RBFOX1: variants seen among roughly 807,000 people sequenced by gnomAD.
The protein encoded by RBFOX1 is RNA binding protein fox-1 homolog 1.
In RBFOX1, 8 loss-of-function variants were observed where a neutral mutation model predicts 57.7. That is an observed-to-expected ratio of 0.14 (90% CI 0.08 to 0.25). RBFOX1 has a LOEUF of 0.25. Among genes scored for constraint, RBFOX1 ranks in the 10% least tolerant of loss-of-function variants. The pLI is 1.00. For missense variants in RBFOX1, 611 were observed against 548.5 expected (o/e 1.11, Z -1.14); for synonymous variants, 326 against 222.4 (o/e 1.47, Z -4.15).
chr16:6,913,244 T>C (rs893280073), intron 3 of RBFOX1, among the ~76,000 whole-genome samples: 9 of 152,168 alleles, frequency 5.9e-5, no homozygotes, highest in African/African-American at 2.2e-4. Flanking sequence ...TGTCCACCTA[T>C]TTAACTGTTA....
intron 14 of RBFOX1, among the ~76,000 whole-genome samples, chr16:7,690,656 G>C (rs866210444): frequency 7.7e-5 from 9 of 117,362 alleles, no homozygotes; most frequent in African/African-American, 2.9e-4. Context: ...GAATATACCT[G>C]CATTGTTCTG....
At chr16:7,535,072 G>A (rs2081157462) in intron 5 of RBFOX1, among the ~76,000 whole-genome samples, 1 of 152,078 alleles carries the variant, frequency 6.6e-6, no homozygotes, top group Non-Finnish European at 1.5e-5. Flanking sequence ...AACATTGAAG[G>A]GAAATTGTAC....
rs536842697 is a variant in RBFOX1, at chr16:5,855,042, C to G, written c.319-12261C>G. Among the ~76,000 whole-genome samples, 9 of 152,240 alleles carry G rather than the reference C, an allele frequency of 5.9e-5. No homozygotes were observed. In the East Asian group the frequency reaches 1.5e-3, roughly 26 times the overall value. Reference sequence around the variant, plus strand: ...CATCTTCTTTGGAAAAATGTCTGTTCAAATCCTTTGTTCGTTTTGTAATTG... The same window carrying G: ...CATCTTCTTTGGAAAAATGTCTGTTGAAATCCTTTGTTCGTTTTGTAATTG... On this transcript the variant is annotated intron_variant, in intron 3 of 19. Transcript: ENST00000641259.
intron 3 of RBFOX1, among the ~76,000 whole-genome samples, chr16:5,723,649 G>C (rs1020063110): frequency 1.3e-5 from 2 of 151,994 alleles, no homozygotes; most frequent in African/African-American, 4.8e-5. Context: ...TGAGACCTTT[G>C]GTCTAAGGTC....
At chr16:5,568,447 C>T (rs2046150361) in intron 2 of RBFOX1, among the ~76,000 whole-genome samples, 1 of 152,170 alleles carries the variant, frequency 6.6e-6, no homozygotes, top group Non-Finnish European at 1.5e-5. Context: ...TCTCTTTCCC[C>T]CTTTCCTGTA....
intron 3 of RBFOX1, among the ~76,000 whole-genome samples, chr16:5,857,605 T>C (rs2057104375): frequency 6.6e-6 from 1 of 152,168 alleles, no homozygotes; most frequent in Non-Finnish European, 1.5e-5. Flanking sequence ...CCCAGTACAC[T>C]GAGTGAATCC....
chr16:7,073,948 A>T (rs1247050242), intron 4 of RBFOX1, among the ~76,000 whole-genome samples: 1 of 152,210 alleles, frequency 6.6e-6, no homozygotes, highest in Admixed American at 6.5e-5. Flanking sequence ...GCCACAGTTT[A>T]TGAGACAGCT....
chr16:6,888,671 C>G (rs907531238), intron 3 of RBFOX1, among the ~76,000 whole-genome samples: 1 of 152,142 alleles, frequency 6.6e-6, no homozygotes, highest in Non-Finnish European at 1.5e-5. Flanking sequence ...ACCCAGATGT[C>G]TCCTGTATTC....
At chr16:5,525,552 C>T (rs2151021807) in intron 2 of RBFOX1, among the ~76,000 whole-genome samples, 1 of 133,922 alleles carries the variant, frequency 7.5e-6, no homozygotes, top group South Asian at 2.5e-4. Flanking sequence ...GGCTGGAGTG[C>T]AGTGGCGTGA....
intron 3 of RBFOX1, among the ~76,000 whole-genome samples, chr16:6,892,771 T>TCTCC (rs879408489): frequency 7.8e-4 from 46 of 58,906 alleles, no homozygotes; most frequent in Admixed American, 1.9e-3. Flanking sequence ...AGCCTCCCTG[T>TCTCC]CTCCCTCTCT....
At chr16:6,829,653 G>T (rs1395904326) in intron 3 of RBFOX1, among the ~76,000 whole-genome samples, 2 of 152,022 alleles carry the variant, frequency 1.3e-5, no homozygotes, top group Non-Finnish European at 2.9e-5. Flanking sequence ...CCATACGGCA[G>T]TGCAGGGGCG....
intron 4 of RBFOX1, among the ~76,000 whole-genome samples, chr16:7,271,497 C>G (rs906039460): frequency 1.3e-5 from 2 of 151,768 alleles, no homozygotes; most frequent in African/African-American, 2.4e-5. Context: ...CTTGGTTGAT[C>G]TTGTATTAAA....
chr16:6,283,865 C>G (rs1331647840), intron 1 of RBFOX1, among the ~76,000 whole-genome samples: 1 of 152,166 alleles, frequency 6.6e-6, no homozygotes, highest in Non-Finnish European at 1.5e-5. Flanking sequence ...AATTTATTTT[C>G]TACTCCTGGC....
At chr16:7,072,126 C>T (rs931828150) in intron 4 of RBFOX1, among the ~76,000 whole-genome samples, 1 of 152,128 alleles carries the variant, frequency 6.6e-6, no homozygotes, top group Non-Finnish European at 1.5e-5. Flanking sequence ...CTTGAGCTGC[C>T]TGGAACAATA....
intron 3 of RBFOX1, among the ~76,000 whole-genome samples, chr16:6,958,948 C>G (rs955056656): frequency 2.4e-4 from 36 of 151,902 alleles, no homozygotes; most frequent in Middle Eastern, 6.8e-3. Context: ...CAGCATGGTT[C>G]TATGTAAAGT....
intron 4 of RBFOX1, among the ~76,000 whole-genome samples, chr16:7,086,995 A>G (rs2060093018): frequency 1.3e-5 from 2 of 152,086 alleles, no homozygotes; most frequent in East Asian, 3.9e-4. Flanking sequence ...CGGCAGCTGC[A>G]GCGATGGGCA....
At chr16:5,654,011 G>A (rs2049338087) in intron 3 of RBFOX1, among the ~76,000 whole-genome samples, 1 of 152,228 alleles carries the variant, frequency 6.6e-6, no homozygotes, top group South Asian at 2.1e-4. Context: ...GCGGGGCCCA[G>A]CTGGTGCGAG....
At chr16:6,774,027 G>C (rs893754443) in intron 3 of RBFOX1, 2 of 984,328 alleles carry the variant, frequency 2.0e-6, no homozygotes, top group Non-Finnish European at 2.4e-6. Flanking sequence ...ATCACAGTTT[G>C]CTTTTTCTAC....
At chr16:7,360,356 C>T (rs2097298063) in intron 4 of RBFOX1, among the ~76,000 whole-genome samples, 1 of 152,156 alleles carries the variant, frequency 6.6e-6, no homozygotes, top group Admixed American at 6.5e-5. Flanking sequence ...GAAATGGTGG[C>T]TCTGCTGCTT....
Sources: allele counts gnomAD v4.1 joint callset (sites outside exome capture counted in the v4.1 genomes callset), GRCh38; gene constraint gnomAD v4.1.1; transcripts MANE v1.5; gene names NCBI Gene and HGNC (gene_info 2026-07-23, HGNC 2026-07-21).